The following RYR2 variants were observed in gnomAD, a reference collection of about 807,000 sequenced individuals.
RYR2 encodes cardiac muscle ryanodine receptor-calcium release channel.
Under a neutral mutation model 601.1 loss-of-function variants are expected in RYR2, and 227 were observed. That is an observed-to-expected ratio of 0.38 (90% CI 0.34 to 0.42). The LOEUF is 0.42. Ranked by LOEUF, RYR2 falls within the 10% of genes least tolerant of loss-of-function variation. RYR2 has a pLI of 1.00. For missense variants in RYR2, 4,646 were observed against 6,156.5 expected, an observed-to-expected ratio of 0.75 and a Z score of 8.21; for synonymous variants, 2,223 against 2,175.1, an observed-to-expected ratio of 1.02 and a Z score of -0.61.
At chr1:237,391,332 A>G (rs1297506942) in intron 10 of RYR2, among the ~76,000 whole-genome samples, 3 of 152,162 alleles carry the variant, frequency 2.0e-5, no homozygotes, top group Non-Finnish European at 2.9e-5. Flanking sequence ...AGTAAAAGTA[A>G]TTTGATTTTT....
intron 29 of RYR2, among the ~76,000 whole-genome samples, chr1:237,588,391 A>G (rs577371469): frequency 6.6e-5 from 10 of 152,232 alleles, no homozygotes; most frequent in Non-Finnish European, 1.3e-4. Context: ...TGACAGAGCT[A>G]ACTACAATTC....
At chr1:237,641,730 C>A (rs145204385) in intron 47 of RYR2, among the ~76,000 whole-genome samples, 1 of 152,020 alleles carries the variant, frequency 6.6e-6, no homozygotes, top group Admixed American at 6.5e-5. Context: ...TTAGTAGAGA[C>A]GGGGTTTTGC....
intron 3 of RYR2, among the ~76,000 whole-genome samples, chr1:237,350,992 AT>A (rs34193677): frequency 0.15 from 23,381 of 152,086 alleles, 1,976 homozygotes; most frequent in East Asian, 0.37. Context: ...CAGATGGAGC[AT>A]TTACCAAAAT....
chr1:237,295,922 GTAGA>G (rs1333334205), intron 2 of RYR2, among the ~76,000 whole-genome samples: 1 of 152,148 alleles, frequency 6.6e-6, no homozygotes, highest in Non-Finnish European at 1.5e-5. Flanking sequence ...TTTCATTCTA[GTAGA>G]TAAAGACAGG....
intron 1 of RYR2, among the ~76,000 whole-genome samples, chr1:237,223,818 A>G (rs1429573388): frequency 6.6e-6 from 1 of 152,242 alleles, no homozygotes; most frequent in Non-Finnish European, 1.5e-5. Context: ...AAATAGAAAC[A>G]CAAAGCACTT....
intron 17 of RYR2, among the ~76,000 whole-genome samples, chr1:237,475,323 T>G (rs912031595): frequency 5.9e-5 from 9 of 152,184 alleles, no homozygotes; most frequent in African/African-American, 2.2e-4. Flanking sequence ...TGATGGGGTG[T>G]TCTCTTATTT....
intron 38 of RYR2, among the ~76,000 whole-genome samples, chr1:237,621,251 A>G (rs1312785711): frequency 6.6e-6 from 1 of 152,142 alleles, no homozygotes; most frequent in Non-Finnish European, 1.5e-5. Flanking sequence ...TTTTTGCCAC[A>G]GCTAAAGCAA....
Position 237,423,262 on chromosome 1 carries a change from T to A in RYR2, c.1005+14T>A. The A allele has an allele frequency of 6.2e-7, 1 of 1,609,358 alleles. No individual in the cohort carries two copies. Among genetic ancestry groups the A allele is most frequent in the African/African-American group, 1.3e-5 (1 of 74,690 alleles). On this transcript the variant is annotated intron_variant, in intron 12 of 104. Coordinates refer to ENST00000366574, the MANE Select transcript of RYR2 (RefSeq NM_001035.3). Reference sequence around the variant, plus strand: ...CGGTCTTCCAAGGTGAGACAGAAAATATTTTGGGTTTCCTATAAATGTTAC... The same window carrying A: ...CGGTCTTCCAAGGTGAGACAGAAAAAATTTTGGGTTTCCTATAAATGTTAC...
chr1:237,197,072 A>C (rs1188874081), intron 1 of RYR2, among the ~76,000 whole-genome samples: 1 of 152,076 alleles, frequency 6.6e-6, no homozygotes, highest in African/African-American at 2.4e-5. Flanking sequence ...TTTGTTCCTG[A>C]AATATATTAA....
intron 1 of RYR2, among the ~76,000 whole-genome samples, chr1:237,126,236 C>CAAA (rs35923495): frequency 1.1e-4 from 15 of 140,618 alleles, no homozygotes; most frequent in Non-Finnish European, 1.2e-4. Flanking sequence ...GACTCTGTCT[C>CAAA]AAAAAAAAAA....
intron 1 of RYR2, among the ~76,000 whole-genome samples, chr1:237,064,861 C>T (rs1280546845): frequency 6.9e-6 from 1 of 145,840 alleles, no homozygotes; most frequent in Non-Finnish European, 1.5e-5. Context: ...TTTGGTTGCT[C>T]TTCAGCGACT....
At chr1:237,805,520 G>T (rs1410827841) in intron 98 of RYR2, among the ~76,000 whole-genome samples, 2 of 141,866 alleles carry the variant, frequency 1.4e-5, no homozygotes, top group African/African-American at 2.7e-5. Flanking sequence ...GGCAGAGCTT[G>T]CAGTGAGCTG....
intron 27 of RYR2, among the ~76,000 whole-genome samples, chr1:237,557,436 A>G (rs1671020203): frequency 6.6e-6 from 1 of 152,220 alleles, no homozygotes; most frequent in South Asian, 2.1e-4. Context: ...AGAATAGTAT[A>G]TGTAAAGGCT....
chr1:237,660,757 A>G, intron 55 of RYR2, 53 bp from the exon 56 acceptor site: 36 of 1,459,952 alleles, frequency 2.5e-5, no homozygotes, highest in Non-Finnish European at 3.2e-5. Context: ...GTTACTTAAC[A>G]TTTTTATTTA....
chr1:237,188,335 A>C (rs942418666), intron 1 of RYR2, among the ~76,000 whole-genome samples: 2 of 150,666 alleles, frequency 1.3e-5, no homozygotes, highest in Non-Finnish European at 3.0e-5. Flanking sequence ...GGTGTAGATG[A>C]CTGTTTAATC....
At chr1:237,458,064 C>T (rs1245934573) in intron 16 of RYR2, among the ~76,000 whole-genome samples, 4 of 152,108 alleles carry the variant, frequency 2.6e-5, no homozygotes, top group African/African-American at 4.8e-5. Flanking sequence ...ACCTCTGGGA[C>T]GTTGTCTCAC....
At chr1:237,283,956 T>C (rs932417392) in intron 2 of RYR2, among the ~76,000 whole-genome samples, 1 of 152,176 alleles carries the variant, frequency 6.6e-6, no homozygotes, top group Non-Finnish European at 1.5e-5. Context: ...TCATCCTCCT[T>C]CCACTCTTCC....
At chr1:237,163,980 CA>C (rs1233193924) in intron 1 of RYR2, among the ~76,000 whole-genome samples, 1 of 152,172 alleles carries the variant, frequency 6.6e-6, no homozygotes, top group Admixed American at 6.5e-5. Flanking sequence ...GCTTCAAATT[CA>C]GAAAGCTCAT....
At chr1:237,229,026 A>G (rs1684695016) in intron 1 of RYR2, among the ~76,000 whole-genome samples, 1 of 151,928 alleles carries the variant, frequency 6.6e-6, no homozygotes, top group Non-Finnish European at 1.5e-5. Context: ...GGACCATTTT[A>G]CAGATGTGGA....
Sources: gnomAD v4.1 joint callset for allele counts (sites outside exome capture counted in the v4.1 genomes callset) on GRCh38, gnomAD v4.1.1 for gene constraint, MANE v1.5 for transcripts, NCBI Gene and HGNC (gene_info 2026-07-23, HGNC 2026-07-21) for gene names.